EPS15: variants seen among roughly 807,000 people sequenced by gnomAD.
EPS15 encodes the protein epidermal growth factor receptor substrate 15.
A neutral mutation model predicts 113.8 loss-of-function variants in EPS15; 72 were observed. The observed-to-expected ratio is 0.63, with a 90% CI of 0.52 to 0.77. EPS15 has a LOEUF of 0.77. Among genes scored for constraint, EPS15 ranks in the 30% least tolerant of loss-of-function variants. EPS15 has a pLI of 0.00. For missense variants in EPS15, 1,048 were observed against 1,045.8 expected (o/e 1.00, Z -0.03); for synonymous variants, 344 against 363.4 (o/e 0.95, Z 0.61).
intron 13 of EPS15, among the ~76,000 whole-genome samples, chr1:51,415,995 A>G (rs1208138912): frequency 6.6e-5 from 10 of 152,032 alleles, no homozygotes; most frequent in Admixed American, 5.2e-4. Flanking sequence ...TGCAATTTCA[A>G]TATCAATATC....
chr1:51,399,047 A>AT lies in EPS15; in HGVS notation c.2036dup (p.Asn679LysfsTer2). The AT allele has an allele frequency of 6.2e-7, 1 of 1,613,726 alleles. No homozygotes were observed. The highest frequency in any genetic ancestry group is 8.5e-7 in the Non-Finnish European group (1 of 1,179,836). On this transcript the variant is annotated frameshift_variant, in exon 20 of 25. Coordinates refer to ENST00000371733, the MANE Select transcript of EPS15 (RefSeq NM_001981.3). LOFTEE classifies it high-confidence loss of function. ...TCCCACTTACCGATGTAATACTGCT[A>AT]TTGTTGGCTGCACTGAAAGGGTCAG...
At chr1:51,460,740 G>A (rs1654373410) in intron 8 of EPS15, among the ~76,000 whole-genome samples, 1 of 152,094 alleles carries the variant, frequency 6.6e-6, no homozygotes, top group African/African-American at 2.4e-5. Flanking sequence ...GATCACTTGA[G>A]GTCAGGAGTT....
chr1:51,358,709 G>GGT (rs1429182542), intron 24 of EPS15, among the ~76,000 whole-genome samples: 1 of 121,376 alleles, frequency 8.2e-6, no homozygotes, highest in Admixed American at 8.3e-5. Context: ...GTTTTTTTTT[G>GGT]TTTTTTTTTT....
chr1:51,492,708 A>C (rs1644256392), intron 1 of EPS15, among the ~76,000 whole-genome samples: 1 of 151,992 alleles, frequency 6.6e-6, no homozygotes, highest in Non-Finnish European at 1.5e-5. Flanking sequence ...CCAAAAAAAC[A>C]AACAAACAAA....
At chr1:51,453,196 A>T (rs2148489783) in intron 8 of EPS15, among the ~76,000 whole-genome samples, 1 of 152,352 alleles carries the variant, frequency 6.6e-6, no homozygotes, top group South Asian at 2.1e-4. Context: ...GTACACATTA[A>T]CAGTCAGCAC....
At chr1:51,385,996 C>T (rs1357527143) in intron 21 of EPS15, among the ~76,000 whole-genome samples, 1 of 151,946 alleles carries the variant, frequency 6.6e-6, no homozygotes, top group Non-Finnish European at 1.5e-5. Flanking sequence ...ACTTAATGCT[C>T]GTGAACTGTA....
chr1:51,483,253 CAT>C (rs1644053867), intron 1 of EPS15, among the ~76,000 whole-genome samples: 1 of 152,136 alleles, frequency 6.6e-6, no homozygotes, highest in Non-Finnish European at 1.5e-5. Context: ...ACCACATTCA[CAT>C]AAATTTTATT....
At chr1:51,483,796 C>A (rs1223672755) in intron 1 of EPS15, among the ~76,000 whole-genome samples, 1 of 149,044 alleles carries the variant, frequency 6.7e-6, no homozygotes, top group Admixed American at 6.7e-5. Context: ...AAGAGCAAGA[C>A]TCCACCTAAA....
In EPS15 at chr1:51,431,014, AC is replaced by A. The variant is rs1557462525; in HGVS notation, c.1041-9157del. Reference sequence around the variant, plus strand: ...CACACACACACACACACACACACACACACACACACACACAAAAATAAAACTT... The same window carrying A: ...CACACACACACACACACACACACACAACACACACACACAAAAATAAAACTT... On this transcript the variant is annotated intron_variant, in intron 12 of 24. Transcript: ENST00000371733. Among the ~76,000 whole-genome samples the A allele has an allele frequency of 4.1e-4, 57 of 138,078 alleles. 1 individual carries two copies. Among genetic ancestry groups the A allele is most frequent in the African/African-American group, 1.3e-3 (50 of 37,982 alleles). The allele number at this position is 138,078 out of a possible 152,430, so 90.6% of individuals were successfully genotyped here. A position where few individuals can be genotyped will look rare whatever the true frequency, so the allele number is the denominator to read the frequency against.
intron 23 of EPS15, among the ~76,000 whole-genome samples, chr1:51,361,880 T>C (rs928649593): frequency 8.5e-5 from 13 of 152,232 alleles, no homozygotes; most frequent in African/African-American, 3.1e-4. Context: ...ATTACCGTAG[T>C]AAAATGCTGC....
chr1:51,376,964 A>G (rs1646814713), intron 21 of EPS15, among the ~76,000 whole-genome samples: 1 of 152,072 alleles, frequency 6.6e-6, no homozygotes, highest in Admixed American at 6.6e-5. Context: ...TCTAGATGCT[A>G]TTAAGAACAA....
chr1:51,417,296 A>G (rs1230581601), intron 13 of EPS15, among the ~76,000 whole-genome samples: 1 of 152,178 alleles, frequency 6.6e-6, no homozygotes, highest in East Asian at 1.9e-4. Context: ...GGTAATATGA[A>G]CAATATCAAG....
Position 51,432,332 on chromosome 1 carries a change from ATG to A in EPS15, c.1040+8013_1040+8014del, listed in dbSNP as rs1415147598. 3.0e-4 allele frequency among the ~76,000 whole-genome samples: 45 copies of A among 152,008 alleles called. 1 individual carries two copies. Among genetic ancestry groups the A allele is most frequent in the African/African-American group, 1.0e-3 (43 of 41,424 alleles). ...TATGTATGTATGTATGTATGTATGT[ATG>A]TATGTATGTATGTATATATTTAATA... On this transcript the variant is annotated intron_variant, in intron 12 of 24. Transcript: ENST00000371733.
chr1:51,430,983 C>CACAT (rs1553125577), intron 12 of EPS15, among the ~76,000 whole-genome samples: 2 of 85,546 alleles, frequency 2.3e-5, no homozygotes, highest in African/African-American at 1.3e-4. Context: ...TACATACACA[C>CACAT]ACACACACAC....
At chr1:51,426,538 G>C (rs907242107) in intron 12 of EPS15, among the ~76,000 whole-genome samples, 20 of 151,138 alleles carry the variant, frequency 1.3e-4, no homozygotes, top group African/African-American at 3.7e-4. Flanking sequence ...CACGACCCTA[G>C]ATGTTACTGT....
At chr1:51,422,811 G>C (rs971013061) in intron 12 of EPS15, among the ~76,000 whole-genome samples, 1 of 152,190 alleles carries the variant, frequency 6.6e-6, no homozygotes, top group Non-Finnish European at 1.5e-5. Flanking sequence ...TACATTTCTG[G>C]GGTCGCAGGG....
intron 2 of EPS15, among the ~76,000 whole-genome samples, chr1:51,476,775 G>C (rs529137821): frequency 6.6e-6 from 1 of 152,178 alleles, no homozygotes; most frequent in South Asian, 2.1e-4. Context: ...TGCATATGTT[G>C]AACCAGCCTT....
chr1:51,449,395 A>G (rs1653344268), intron 8 of EPS15, among the ~76,000 whole-genome samples: 2 of 152,150 alleles, frequency 1.3e-5, no homozygotes, highest in African/African-American at 4.8e-5. Context: ...CATGGAGTAA[A>G]TGGGGTCACA....
chr1:51,361,047 T>G, intron 24 of EPS15, 124 bp downstream of exon 24: 1 of 729,442 alleles, frequency 1.4e-6, no homozygotes, highest in East Asian at 2.6e-5. Context: ...GGGGGAAGAA[T>G]GAAAGATCAT....
Sources: gnomAD v4.1 joint callset for allele counts (sites outside exome capture counted in the v4.1 genomes callset) on GRCh38, gnomAD v4.1.1 for gene constraint, MANE v1.5 for transcripts, NCBI Gene and HGNC (gene_info 2026-07-23, HGNC 2026-07-21) for gene names.